The following ALK variants were observed in gnomAD, a reference collection of about 807,000 sequenced individuals.
ALK encodes the protein ALK tyrosine kinase receptor.
ALK carries 74 observed loss-of-function variants against 163.1 expected under a neutral mutation model. The observed-to-expected ratio is 0.45, with a 90% CI of 0.38 to 0.55. The LOEUF is 0.55. Among genes scored for constraint, ALK ranks in the 20% least tolerant of loss-of-function variants. The probability of loss-of-function intolerance (pLI) is 0.00; values close to 1 mark genes in which losing one functional copy is unlikely to be tolerated. For missense variants in ALK, 2,063 were observed against 2,105.3 expected (o/e 0.98, Z 0.39); for synonymous variants, 960 against 843.2 (o/e 1.14, Z -2.40).
chr2:29,370,010 T>C (rs1223507361), intron 5 of ALK, among the ~76,000 whole-genome samples: 2 of 152,134 alleles, frequency 1.3e-5, no homozygotes, highest in East Asian at 1.9e-4. Flanking sequence ...AGTGGATCTC[T>C]TGGGGAGAGA....
At chr2:29,640,138 T>C (rs933274876) in intron 3 of ALK, among the ~76,000 whole-genome samples, 1 of 152,204 alleles carries the variant, frequency 6.6e-6, no homozygotes. Context: ...TGATTCTCTA[T>C]TGCAATTTCA....
intron 4 of ALK, 41 bp from the exon 5 acceptor site, chr2:29,383,900 C>T (rs755787376): frequency 4.5e-5 from 73 of 1,613,430 alleles, no homozygotes; most frequent in Non-Finnish European, 5.8e-5. Flanking sequence ...CATAGAGAAA[C>T]AGATATGAGA....
intron 28 of ALK, among the ~76,000 whole-genome samples, chr2:29,195,226 A>G (rs1428986017): frequency 1.3e-5 from 2 of 152,228 alleles, no homozygotes; most frequent in African/African-American, 2.4e-5. Context: ...GAAGGTATAT[A>G]TGTTTAAGTG....
chr2:29,571,764 G>A (rs1674381797), intron 3 of ALK, among the ~76,000 whole-genome samples: 1 of 151,724 alleles, frequency 6.6e-6, no homozygotes, highest in Admixed American at 6.6e-5. Context: ...CTACAGGTGT[G>A]CACCACCGTG....
In ALK at chr2:29,264,717, G is replaced by A. The variant is rs149976819; in HGVS notation, c.2041+10382C>T. Among the ~76,000 whole-genome samples the A allele has an allele frequency of 6.6e-5, 10 of 152,348 alleles. No individual in the cohort carries two copies. The East Asian group carries it at 1.7e-3, about 26-fold the overall frequency. On this transcript the variant is annotated intron_variant, in intron 11 of 28. Transcript: ENST00000389048. ...CCACCTGAGTGGTCAGAAGGAGGTG[G>A]TCATGCATGCCAGGGGTACAGTGAG...
intron 3 of ALK, among the ~76,000 whole-genome samples, chr2:29,629,269 AC>A (rs1021277725): frequency 3.3e-5 from 5 of 152,262 alleles, no homozygotes; most frequent in African/African-American, 1.2e-4. Flanking sequence ...AAATATTTAA[AC>A]CTTTATTGTA....
At chr2:29,607,766 A>G (rs1373372638) in intron 3 of ALK, among the ~76,000 whole-genome samples, 1 of 151,962 alleles carries the variant, frequency 6.6e-6, no homozygotes, top group African/African-American at 2.4e-5. Context: ...GATGCCTCAA[A>G]GCCTTCTTGG....
chr2:29,779,120 C>T (rs998517896), intron 1 of ALK, among the ~76,000 whole-genome samples: 4 of 151,716 alleles, frequency 2.6e-5, no homozygotes, highest in Non-Finnish European at 5.9e-5. Context: ...CGTGCCACTG[C>T]ACTCCAACCT....
chr2:29,579,648 T>C (rs950498479), intron 3 of ALK, among the ~76,000 whole-genome samples: 2 of 152,188 alleles, frequency 1.3e-5, no homozygotes, highest in Non-Finnish European at 2.9e-5. Context: ...ATCCTGAGGC[T>C]TCTCCAAGAG....
intron 4 of ALK, among the ~76,000 whole-genome samples, chr2:29,522,778 T>C (rs1276706635): frequency 1.3e-5 from 2 of 152,186 alleles, no homozygotes; most frequent in Non-Finnish European, 2.9e-5. Context: ...AGGCCATTCC[T>C]GGAGTCCTGG....
intron 1 of ALK, among the ~76,000 whole-genome samples, chr2:29,845,311 A>G (rs1665813777): frequency 6.6e-6 from 1 of 152,216 alleles, no homozygotes; most frequent in Non-Finnish European, 1.5e-5. Flanking sequence ...TGGCACTTTA[A>G]TTCTGGGGGA....
At chr2:29,255,623 A>G (rs1664930798) in intron 11 of ALK, among the ~76,000 whole-genome samples, 1 of 152,164 alleles carries the variant, frequency 6.6e-6, no homozygotes, top group Non-Finnish European at 1.5e-5. Flanking sequence ...TTCTCGGTCC[A>G]AGGGTCCTTT....
intron 3 of ALK, among the ~76,000 whole-genome samples, chr2:29,569,137 G>C (rs1181773736): frequency 3.9e-5 from 6 of 152,110 alleles, no homozygotes; most frequent in Non-Finnish European, 5.9e-5. Context: ...CTGTTAACTT[G>C]AACCTGCCTA....
intron 5 of ALK, among the ~76,000 whole-genome samples, chr2:29,329,591 A>G (rs1258595800): frequency 6.6e-6 from 1 of 151,906 alleles, no homozygotes; most frequent in African/African-American, 2.4e-5. Context: ...ATGAACTAGG[A>G]CCCCACTTGG....
At chr2:29,715,785 TA>T (rs1679232436) in intron 2 of ALK, among the ~76,000 whole-genome samples, 1 of 152,202 alleles carries the variant, frequency 6.6e-6, no homozygotes, top group African/African-American at 2.4e-5. Context: ...TTCAATTATT[TA>T]TAGATACTTG....
chr2:29,377,979 G>A (rs1668799204), intron 5 of ALK, among the ~76,000 whole-genome samples: 1 of 152,236 alleles, frequency 6.6e-6, no homozygotes, highest in Non-Finnish European at 1.5e-5. Context: ...ATCTGTTAGT[G>A]AGCTGAATGT....
chr2:29,233,184 T>G (rs1401628120), intron 14 of ALK, among the ~76,000 whole-genome samples: 1 of 152,198 alleles, frequency 6.6e-6, no homozygotes, highest in African/African-American at 2.4e-5. Flanking sequence ...GCTCTATTGC[T>G]CAGGCTGAAG....
intron 1 of ALK, among the ~76,000 whole-genome samples, chr2:29,743,881 TCCAA>T (rs1680131186): frequency 6.6e-6 from 1 of 151,796 alleles, no homozygotes; most frequent in African/African-American, 2.4e-5. Context: ...CCTGCAAGGC[TCCAA>T]CCAAGCCCAT....
At chr2:29,284,297 G>A (rs1665791272) in intron 9 of ALK, among the ~76,000 whole-genome samples, 2 of 152,094 alleles carry the variant, frequency 1.3e-5, no homozygotes, top group African/African-American at 4.8e-5. Flanking sequence ...GAAGTTATGA[G>A]CATTGATGAG....
Sources: allele counts gnomAD v4.1 joint callset (sites outside exome capture counted in the v4.1 genomes callset), GRCh38; gene constraint gnomAD v4.1.1; transcripts MANE v1.5; gene names NCBI Gene and HGNC (gene_info 2026-07-23, HGNC 2026-07-21).